The following ABCC9 variants were observed in gnomAD, a reference collection of about 807,000 sequenced individuals.
ABCC9 encodes ATP-binding cassette sub-family C member 9.
A neutral mutation model predicts 188.3 loss-of-function variants in ABCC9; 95 were observed. The observed-to-expected ratio is 0.50, with a 90% CI of 0.43 to 0.60. The LOEUF (loss-of-function observed/expected upper bound fraction) is 0.60, where lower values mean the gene tolerates loss of function less well. Ranked by LOEUF, ABCC9 falls within the 20% of genes least tolerant of loss-of-function variation. The pLI, the probability that ABCC9 is intolerant of heterozygous loss-of-function variation, is 0.00. For missense variants in ABCC9, 1,102 were observed against 1,876.3 expected (o/e 0.59, Z 7.62); for synonymous variants, 659 against 652.7 (o/e 1.01, Z -0.15).
chr12:21,915,516 T>TATATATATATA (rs1948562431), intron 7 of ABCC9, 152 bp downstream of exon 7: 1 of 8,990 alleles, frequency 1.1e-4, no homozygotes, highest in African/African-American at 4.2e-4. Flanking sequence ...ATATATATAT[T>TATATATATATA]TTTTTTTTTT....
intron 36 of ABCC9, among the ~76,000 whole-genome samples, chr12:21,811,356 A>G (rs1243185680): frequency 6.6e-6 from 1 of 152,192 alleles, no homozygotes; most frequent in Non-Finnish European, 1.5e-5. Flanking sequence ...GTGAAAACAG[A>G]CTAATACAGA....
rs1393960478 is a variant in ABCC9 at position 21,915,225 on chromosome 12, A to ATATG, written c.816+442_816+443insCATA. Among the ~76,000 whole-genome samples the ATATG allele has an allele frequency of 4.7e-3, 611 of 129,150 alleles. 3 individuals are homozygous for ATATG. The highest frequency in any genetic ancestry group is 0.014 in the African/African-American group (432 of 31,746). 84.7% of individuals were successfully genotyped at this position (129,150 alleles called of 152,430 possible). A position where few individuals can be genotyped will look rare whatever the true frequency, so the allele number is the denominator to read the frequency against. ...CTAAGCTTTGTGTCTTTATATATATATGTGTGTGTGTGTGTGTGTGTGTGT... is the reference window on the plus strand; with the variant it reads ...CTAAGCTTTGTGTCTTTATATATATATATGTGTGTGTGTGTGTGTGTGTGTGTGT... On this transcript the variant is annotated intron_variant, in intron 7 of 39. Transcript: ENST00000261200.
intron 14 of ABCC9, among the ~76,000 whole-genome samples, chr12:21,893,136 G>C (rs927102273): frequency 6.6e-6 from 1 of 152,064 alleles, no homozygotes; most frequent in Non-Finnish European, 1.5e-5. Flanking sequence ...CGTATAGGCA[G>C]TGTATCATCT....
At chr12:21,859,766 A>G (rs756657664) in intron 21 of ABCC9, 100 bp from the exon 22 acceptor site, 11 of 975,164 alleles carry the variant, frequency 1.1e-5, no homozygotes, top group Non-Finnish European at 1.7e-5. Context: ...AAAATCTTAG[A>G]TTGATAGTAA....
At position 21,904,915 on chromosome 12, in the gene ABCC9, A is replaced by C. The variant is rs543920897; in HGVS notation, c.1618+1211T>G. On this transcript the variant is annotated intron_variant, in intron 12 of 39. Coordinates refer to ENST00000261200, the MANE Select transcript of ABCC9 (RefSeq NM_020297.4). Reference sequence around the variant, plus strand: ...AACTAGAAATACCATTTGACCCAGCAATCCCATTACTGGGTATATACCCAA... The same window carrying C: ...AACTAGAAATACCATTTGACCCAGCCATCCCATTACTGGGTATATACCCAA... 3.0e-3 allele frequency among the ~76,000 whole-genome samples: 460 copies of C among 152,292 alleles called. 2 individuals are homozygous for C. Among genetic ancestry groups the C allele is most frequent in the Middle Eastern group, 6.8e-3 (2 of 294 alleles).
rs1181924551 is a variant in ABCC9, at chr12:21,800,883, C to T, written c.*161G>A. The T allele has an allele frequency of 2.5e-6, 2 of 792,792 alleles. No individual in the cohort carries two copies. The highest frequency in any genetic ancestry group is 2.0e-6 in the Non-Finnish European group (1 of 501,574). 49.1% of individuals were successfully genotyped at this position (792,792 alleles called of 1,614,324 possible). A position where few individuals can be genotyped will look rare whatever the true frequency, so the allele number is the denominator to read the frequency against. ...TAATGAACATATTAAGCAATAATATCTTGAAAAACTGTTTTAAAAACAGGA... is the reference window on the plus strand; with the variant it reads ...TAATGAACATATTAAGCAATAATATTTTGAAAAACTGTTTTAAAAACAGGA... On this transcript the variant is annotated 3_prime_UTR_variant, in exon 40 of 40. Transcript: ENST00000261200.
chr12:21,878,841 T>G (rs1343672558), intron 16 of ABCC9, among the ~76,000 whole-genome samples: 1 of 152,160 alleles, frequency 6.6e-6, no homozygotes, highest in African/African-American at 2.4e-5. Flanking sequence ...AGTTAATTTC[T>G]CCTGCTGCCA....
At chr12:21,818,561 T>TGTGA (rs1339574313) in intron 31 of ABCC9, among the ~76,000 whole-genome samples, 1 of 142,732 alleles carries the variant, frequency 7.0e-6, no homozygotes, top group African/African-American at 2.6e-5. Context: ...TGTGTGTGTG[T>TGTGA]GATATGGGTT....
intron 12 of ABCC9, among the ~76,000 whole-genome samples, chr12:21,899,295 T>A (rs567690409): frequency 6.6e-6 from 1 of 152,342 alleles, no homozygotes; most frequent in Admixed American, 6.5e-5. Context: ...GAGAAAGATG[T>A]TAACATCACA....
At chr12:21,885,899 A>G (rs930611830) in intron 15 of ABCC9, among the ~76,000 whole-genome samples, 37 of 152,178 alleles carry the variant, frequency 2.4e-4, no homozygotes, top group African/African-American at 8.9e-4. Flanking sequence ...TATATAATAT[A>G]GATTGATTTC....
chr12:21,818,188 A>T lies in ABCC9; in HGVS notation c.3733T>A (p.Ser1245Thr). Residue 1245 changes from serine to threonine, a missense_variant, in exon 32 of 40, where the codon TCT becomes ACT. Physicochemically the swap from Ser to Thr is moderately conservative, Grantham distance 58. Transcript: ENST00000261200. ...AGAAGACCCAAGCCTACCAATCCAG[A>T]ATTCGAAGACCCACTAATGGATGCT... ...SIASISGSSN[S>T]GLVGLGLLYA... The T allele has an allele frequency of 6.2e-7, 1 of 1,613,968 alleles. No homozygotes were observed. The highest frequency in any genetic ancestry group is 8.5e-7 in the Non-Finnish European group (1 of 1,179,872).
At chr12:21,875,870 G>A in intron 16 of ABCC9, 144 bp from the exon 17 acceptor site, 3 of 617,452 alleles carry the variant, frequency 4.9e-6, no homozygotes, top group Non-Finnish European at 8.5e-6. Context: ...GGATCACAAG[G>A]TCAGGAGATC....
At position 21,845,619 on chromosome 12, in the gene ABCC9, G is replaced by T. The variant is rs781401356; in HGVS notation, c.3080C>A (p.Thr1027Asn). 1 of 1,613,436 alleles carries T rather than the reference G, an allele frequency of 6.2e-7. No individual in the cohort carries two copies. The highest frequency in any genetic ancestry group is 8.5e-7 in the Non-Finnish European group (1 of 1,179,598). Reference sequence around the variant, plus strand: ...CAATTGTACCTGATCAGCTTTTCCAGTATTGTTTATACTGTACTCCGATGT... The same window carrying T: ...CAATTGTACCTGATCAGCTTTTCCATTATTGTTTATACTGTACTCCGATGT... Reference protein sequence around the residue: ...TWTSEYSINNTGKADQTYYVA... With the variant: ...TWTSEYSINNNGKADQTYYVA... Residue 1027 changes from threonine (T) to asparagine (N), a missense_variant, in exon 26 of 40, where the codon ACT (threonine) becomes AAT (asparagine). This residue lies in a region of ABCC9 where 74 missense variants were observed against 132.7 expected (regional missense o/e 0.56). Coordinates refer to ENST00000261200, the MANE Select transcript of ABCC9 (RefSeq NM_020297.4).
intron 30 of ABCC9, among the ~76,000 whole-genome samples, chr12:21,833,993 A>G (rs1196504554): frequency 2.0e-5 from 3 of 152,166 alleles, no homozygotes; most frequent in Admixed American, 2.0e-4. Flanking sequence ...TCTTTCAAAA[A>G]GTAGTTTTTC....
chr12:21,926,182 A>G (rs1949038372), intron 4 of ABCC9, 119 bp from the exon 5 acceptor site: 4 of 1,362,498 alleles, frequency 2.9e-6, no homozygotes, highest in Admixed American at 3.7e-5. Flanking sequence ...TACAGAATGC[A>G]ATAGTAGTTT....
intron 31 of ABCC9, among the ~76,000 whole-genome samples, chr12:21,822,125 A>G (rs1943071544): frequency 1.3e-5 from 2 of 152,304 alleles, no homozygotes; most frequent in Non-Finnish European, 2.9e-5. Context: ...TCTACAATCA[A>G]CTAAATTCAA....
chr12:21,805,182 T>A (rs1166886312), intron 39 of ABCC9: 1 of 1,613,994 alleles, frequency 6.2e-7, no homozygotes. Flanking sequence ...GTCTACTTGT[T>A]GGTCATCACC....
At position 21,884,439 on chromosome 12, in the gene ABCC9, T is replaced by A. The variant is rs568925176; in HGVS notation, c.1912-1566A>T. 7.2e-5 allele frequency among the ~76,000 whole-genome samples: 11 copies of A among 152,256 alleles called. No individual in the cohort carries two copies. The East Asian group carries it at 2.1e-3, about 29-fold the overall frequency. ...GGCTAAGTAATAATACACTTTAAAC[T>A]GTTAAGTTACCTAGAAAGGAAACGA... On this transcript the variant is annotated intron_variant, in intron 15 of 39. Coordinates refer to ENST00000261200, the MANE Select transcript of ABCC9 (RefSeq NM_020297.4).
chr12:21,827,163 G>C (rs1350398117), intron 31 of ABCC9: 5 of 985,286 alleles, frequency 5.1e-6, no homozygotes, highest in Non-Finnish European at 6.0e-6. Context: ...TTTTGAGTTT[G>C]GCTGCTGTTC....
Sources: gnomAD v4.1 joint callset for allele counts (sites outside exome capture counted in the v4.1 genomes callset) on GRCh38, gnomAD v4.1.1 for gene constraint, gnomAD v4.1.1 regional missense constraint, MANE v1.5 for transcripts, NCBI Gene and HGNC (gene_info 2026-07-23, HGNC 2026-07-21) for gene names.